CSMD3: variants seen among roughly 807,000 people sequenced by gnomAD.
The protein encoded by CSMD3 is CUB and sushi domain-containing protein 3.
CSMD3 carries 177 observed loss-of-function variants against 435.2 expected under a neutral mutation model. The observed-to-expected ratio is 0.41, with a 90% CI of 0.36 to 0.46. CSMD3 has a LOEUF of 0.46. Among genes scored for constraint, CSMD3 ranks in the 20% least tolerant of loss-of-function variants. The pLI, the probability that CSMD3 is intolerant of heterozygous loss-of-function variation, is 0.34. For missense variants in CSMD3, 4,265 were observed against 4,504.6 expected, an observed-to-expected ratio of 0.95 and a Z score of 1.52; for synonymous variants, 1,656 against 1,520.5, an observed-to-expected ratio of 1.09 and a Z score of -2.07.
chr8:112,694,704 C>T (rs2076213790), intron 13 of CSMD3, among the ~76,000 whole-genome samples: 1 of 152,030 alleles, frequency 6.6e-6, no homozygotes, highest in Non-Finnish European at 1.5e-5. Flanking sequence ...TTTGTCTCTC[C>T]ACCTAAATCT....
intron 5 of CSMD3, among the ~76,000 whole-genome samples, chr8:113,093,468 T>C (rs1038191): frequency 0.47 from 72,182 of 151,992 alleles, 19,605 homozygotes; most frequent in East Asian, 0.87. Flanking sequence ...AGTCAAATGT[T>C]GCAGATAAAT....
intron 5 of CSMD3, among the ~76,000 whole-genome samples, chr8:113,089,084 C>T (rs895851390): frequency 1.3e-5 from 2 of 151,990 alleles, no homozygotes; most frequent in Non-Finnish European, 2.9e-5. Context: ...GTAGCCCAGG[C>T]TGGAGTACCA....
chr8:112,231,265 T>C (rs1813057564), intron 69 of CSMD3, among the ~76,000 whole-genome samples: 1 of 152,250 alleles, frequency 6.6e-6, no homozygotes, highest in Non-Finnish European at 1.5e-5. Flanking sequence ...TTTATCTATA[T>C]CACTTTTTCT....
intron 38 of CSMD3, among the ~76,000 whole-genome samples, chr8:112,376,464 A>G (rs974301779): frequency 5.3e-5 from 8 of 152,210 alleles, no homozygotes; most frequent in Non-Finnish European, 1.0e-4. Flanking sequence ...GTAAAAAATT[A>G]ATTACTTGCA....
At chr8:113,259,869 C>A (rs2093413046) in intron 3 of CSMD3, among the ~76,000 whole-genome samples, 1 of 152,070 alleles carries the variant, frequency 6.6e-6, no homozygotes, top group Non-Finnish European at 1.5e-5. Flanking sequence ...CAAATCTTAT[C>A]TTCAATTGTA....
chr8:112,525,784 GTATATATATATGTA>G (rs1824849815), intron 27 of CSMD3, among the ~76,000 whole-genome samples: 1 of 129,466 alleles, frequency 7.7e-6, no homozygotes, highest in Non-Finnish European at 1.6e-5. Context: ...ATATGTGTGT[GTATATATATATGTA>G]TATATATATA....
chr8:113,127,091 A>G (rs2091154974), intron 4 of CSMD3, among the ~76,000 whole-genome samples: 1 of 152,012 alleles, frequency 6.6e-6, no homozygotes, highest in East Asian at 1.9e-4. Flanking sequence ...AAATTTATAT[A>G]TTATACAAAT....
intron 4 of CSMD3, among the ~76,000 whole-genome samples, chr8:113,139,806 A>G (rs1340633117): frequency 6.6e-6 from 1 of 151,130 alleles, no homozygotes; most frequent in Non-Finnish European, 1.5e-5. Flanking sequence ...TGCTACCTAT[A>G]AGAATCCCAC....
chr8:112,396,609 C>T (rs1420207214), intron 35 of CSMD3, among the ~76,000 whole-genome samples: 1 of 152,070 alleles, frequency 6.6e-6, no homozygotes, highest in African/African-American at 2.4e-5. Flanking sequence ...TTGTCAGACC[C>T]TCTACAAATA....
chr8:112,241,941 A>C (rs1403380766), intron 65 of CSMD3, among the ~76,000 whole-genome samples, 156 bp from the exon 66 acceptor site: 4 of 152,052 alleles, frequency 2.6e-5, no homozygotes, highest in South Asian at 4.1e-4. Flanking sequence ...TGTTCCGTTC[A>C]TCACAACATC....
Position 112,774,805 on chromosome 8 carries a change from T to C in CSMD3, c.1972+25357A>G, listed in dbSNP as rs577408772. Among the ~76,000 whole-genome samples the C allele has an allele frequency of 9.9e-5, 15 of 152,128 alleles. No individual in the cohort carries two copies. In the South Asian group the frequency reaches 3.1e-3, roughly 31 times the overall value. ...AATTGCAGTAGCCTCTTAATTCACA[T>C]TTCACCTTTGATTCACTGTCTATAC... On this transcript the variant is annotated intron_variant, in intron 13 of 70. Coordinates refer to ENST00000297405, the MANE Select transcript of CSMD3 (RefSeq NM_198123.2).
intron 5 of CSMD3, among the ~76,000 whole-genome samples, chr8:113,069,350 C>T (rs2089001012): frequency 6.6e-6 from 1 of 152,074 alleles, no homozygotes; most frequent in African/African-American, 2.4e-5. Context: ...CATGTCTTCT[C>T]TTTCAGTGCC....
chr8:112,576,187 G>A (rs955126116), intron 23 of CSMD3, among the ~76,000 whole-genome samples: 1 of 151,988 alleles, frequency 6.6e-6, no homozygotes, highest in Non-Finnish European at 1.5e-5. Flanking sequence ...TAATGTAACT[G>A]GGGAAATAAA....
chr8:112,393,403 C>A (rs1830604786), intron 35 of CSMD3, among the ~76,000 whole-genome samples: 1 of 152,164 alleles, frequency 6.6e-6, no homozygotes, highest in Admixed American at 6.6e-5. Context: ...ACCGCTTCAA[C>A]CCTTTGGAAT....
intron 24 of CSMD3, among the ~76,000 whole-genome samples, chr8:112,564,383 T>C (rs1432043181): frequency 6.9e-6 from 1 of 144,980 alleles, no homozygotes; most frequent in Non-Finnish European, 1.5e-5. Context: ...CCCCTCCCCT[T>C]CCCTCTCTTC....
intron 10 of CSMD3, 57 bp downstream of exon 10, chr8:112,921,570 T>C (rs1483909711): frequency 2.2e-6 from 3 of 1,393,530 alleles, no homozygotes; most frequent in Admixed American, 3.4e-5. Context: ...TTAATTACAA[T>C]GAAATAAAGG....
chr8:112,914,931 A>C (rs2082531496), intron 10 of CSMD3, among the ~76,000 whole-genome samples: 2 of 151,884 alleles, frequency 1.3e-5, no homozygotes, highest in Admixed American at 6.6e-5. Context: ...TAGTATATTT[A>C]AGTTTTCCAA....
At chr8:113,321,941 A>AT (rs1480573333) in intron 1 of CSMD3, among the ~76,000 whole-genome samples, 14 of 152,196 alleles carry the variant, frequency 9.2e-5, no homozygotes, top group Admixed American at 3.9e-4. Context: ...AAATTGCAGT[A>AT]TTTTACATAA....
At chr8:113,248,574 T>C (rs911358427) in intron 3 of CSMD3, among the ~76,000 whole-genome samples, 8 of 147,794 alleles carry the variant, frequency 5.4e-5, no homozygotes, top group African/African-American at 2.0e-4. Context: ...AGGAAATAAA[T>C]TGTTATATAT....
Sources: gnomAD v4.1 joint callset for allele counts (sites outside exome capture counted in the v4.1 genomes callset) on GRCh38, gnomAD v4.1.1 for gene constraint, MANE v1.5 for transcripts, NCBI Gene and HGNC (gene_info 2026-07-23, HGNC 2026-07-21) for gene names.